PRPF8: variants seen among roughly 807,000 people sequenced by gnomAD.
PRPF8 encodes the protein pre-mRNA-processing-splicing factor 8.
Under a neutral mutation model 285.9 loss-of-function variants are expected in PRPF8, and 64 were observed. The ratio of observed to expected loss-of-function variants is 0.22; its 90% CI spans 0.18 to 0.28. PRPF8 has a LOEUF of 0.28. PRPF8 is among the 10% of genes least tolerant of loss of function. PRPF8 has a pLI of 1.00. For synonymous variants in PRPF8, 1,325 were observed against 1,118.2 expected, an observed-to-expected ratio of 1.18 and a Z score of -3.69; for missense variants, 1,426 against 3,026.7, an observed-to-expected ratio of 0.47 and a Z score of 12.41.
At chr17:1,652,925 G>A (rs1911161538) in intron 39 of PRPF8, 3 of 168,960 alleles carry the variant, frequency 1.8e-5, no homozygotes, top group Admixed American at 1.6e-4. Context: ...TGGGACTACA[G>A]CCACGTTTTT....
rs377213506 is a variant in PRPF8 at position 1,656,641 on chromosome 17, C to T, written c.5619+7G>A. 2 of 1,614,102 alleles carry T rather than the reference C, an allele frequency of 1.2e-6. No homozygotes were observed. The highest frequency in any genetic ancestry group is 3.3e-5 in the Admixed American group (2 of 59,994). On this transcript the variant is annotated splice_region_variant and intron_variant, in intron 35 of 42. Coordinates refer to ENST00000304992, the MANE Select transcript of PRPF8 (RefSeq NM_006445.4). ...CTCTTTTCTCCTACCCCACCCCACC[C>T]TCTTACCTCCAGTGGGTCCAGCATG...
At chr17:1,680,008 A>G (rs78402600) in intron 8 of PRPF8, among the ~76,000 whole-genome samples, 6,723 of 152,146 alleles carry the variant, frequency 0.044, 509 homozygotes, top group African/African-American at 0.15. Flanking sequence ...GTCACTTCTC[A>G]CACCTCAACT....
intron 8 of PRPF8, among the ~76,000 whole-genome samples, chr17:1,680,183 A>G (rs1278776751): frequency 4.6e-5 from 7 of 152,220 alleles, no homozygotes; most frequent in Non-Finnish European, 8.8e-5. Flanking sequence ...TGAAGACTAC[A>G]TAGTGTACGA....
intron 24 of PRPF8, chr17:1,672,841 T>A: frequency 1.7e-6 from 1 of 596,216 alleles, no homozygotes. Flanking sequence ...TACTCTTGCC[T>A]TAATTTAGAA....
intron 24 of PRPF8, among the ~76,000 whole-genome samples, chr17:1,665,358 T>C (rs1911911496): frequency 6.7e-6 from 1 of 149,336 alleles, no homozygotes; most frequent in African/African-American, 2.5e-5. Context: ...GCTAACACGG[T>C]GAAACCCGTC....
intron 30 of PRPF8, 97 bp downstream of exon 30, chr17:1,660,332 CCCT>C (rs1567679314): frequency 7.0e-6 from 11 of 1,571,826 alleles, no homozygotes; most frequent in East Asian, 2.2e-5. Flanking sequence ...GTACCCTCTC[CCCT>C]CGATTCCACC....
chr17:1,662,850 G>GA (rs1911744690), intron 24 of PRPF8, among the ~76,000 whole-genome samples: 1 of 139,372 alleles, frequency 7.2e-6, no homozygotes, highest in Non-Finnish European at 1.5e-5. Context: ...AAAAAGAAAA[G>GA]AAAAAGAAAA....
chr17:1,669,664 C>A (rs752100436), intron 24 of PRPF8, among the ~76,000 whole-genome samples: 1 of 152,216 alleles, frequency 6.6e-6, no homozygotes. Flanking sequence ...TCACCAATGA[C>A]GTCCTAACTG....
chr17:1,664,185 C>T (rs1423272181), intron 24 of PRPF8, among the ~76,000 whole-genome samples: 1 of 152,068 alleles, frequency 6.6e-6, no homozygotes. Flanking sequence ...CGTGTACCAC[C>T]ACACCCAGCT....
intron 28 of PRPF8, 69 bp downstream of exon 28, chr17:1,660,924 T>C (rs985519208): frequency 3.7e-6 from 6 of 1,612,298 alleles, no homozygotes; most frequent in African/African-American, 1.3e-5. Flanking sequence ...CCACAGGAAA[T>C]CACAGAGGCA....
chr17:1,654,422 G>C, intron 37 of PRPF8: 2 of 352,038 alleles, frequency 5.7e-6, no homozygotes, highest in South Asian at 2.7e-5. Flanking sequence ...GGAGGAAGGT[G>C]TGTGTGTGTG....
chr17:1,658,666 G>A lies in PRPF8; in HGVS notation c.5236C>T (p.Arg1746Trp), dbSNP rs1400356670. ...TAGAGCTGTAGCCCCTTGCGGATCC[G>A]TTCACGTAACACATACAGGGCAGGG... ...ANPALYVLRE[R>W]IRKGLQLYSS... Residue 1746 changes from arginine (R) to tryptophan (W), a missense_variant, in exon 33 of 43, where the codon CGG becomes TGG. Coordinates refer to ENST00000304992, the MANE Select transcript of PRPF8 (RefSeq NM_006445.4). The surrounding 1 kb of genome is among the most constrained non-coding windows in gnomAD (Gnocchi z 4.1). The A allele has an allele frequency of 1.2e-6, 2 of 1,614,216 alleles. No homozygotes were observed. The highest frequency in any genetic ancestry group is 8.5e-7 in the Non-Finnish European group (1 of 1,180,036).
rs1179565309 is a variant in PRPF8, at chr17:1,651,698, G to A, written c.6460C>T (p.His2154Tyr). ...TGGCCAGGCAGGTGCACGGTCTGGT[G>A]AGTGCCCCACTGCGGCACCATCACA... ...CIVMVPQWGT[H>Y]QTVHLPGQLP... Residue 2154 changes from histidine to tyrosine, a missense_variant, in exon 40 of 43, where the codon CAC (histidine) becomes TAC (tyrosine). This residue lies in a region of PRPF8 where 160 missense variants were observed against 373.7 expected (regional missense o/e 0.43). Coordinates refer to ENST00000304992, the MANE Select transcript of PRPF8 (RefSeq NM_006445.4). This position sits in a 1 kb window ranked among gnomAD's most constrained non-coding sequence, Gnocchi z 5.1. 1 of 1,614,026 alleles carries A rather than the reference G, an allele frequency of 6.2e-7. No homozygotes were observed. Among genetic ancestry groups the A allele is most frequent in the Non-Finnish European group, 8.5e-7 (1 of 1,180,032 alleles).
chr17:1,651,076 T>C lies in PRPF8; in HGVS notation c.6853+32A>G. 6.2e-7 allele frequency: 1 copy of C among 1,613,986 alleles called. No homozygotes were observed. Among genetic ancestry groups the C allele is most frequent in the Non-Finnish European group, 8.5e-7 (1 of 1,179,842 alleles). On this transcript the variant is annotated intron_variant, in intron 42 of 42. Coordinates refer to ENST00000304992, the MANE Select transcript of PRPF8 (RefSeq NM_006445.4). The surrounding 1 kb of genome is among the most constrained non-coding windows in gnomAD (Gnocchi z 5.1). ...GATGGCCTCACCTTATCCCTACTGC[T>C]ATCCCCACATCCCCAGGCTCCTCCC... is the stretch of plus-strand genomic sequence containing the variant.
chr17:1,650,935 A>G lies in PRPF8; in HGVS notation c.6875T>C (p.Met2292Thr). Residue 2292 changes from methionine (M) to threonine (T), a missense_variant, in exon 43 of 43, where the codon ATG becomes ACG. By Grantham distance (81) the Met-to-Thr change is moderately conservative. Transcript: ENST00000304992. ...NFMGVRHDPNMKYELQLANPK... is the reference protein window; with the variant it reads ...NFMGVRHDPNTKYELQLANPK... Reference sequence around the variant, plus strand: ...GTTCGCCAGCTGTAGCTCATATTTCATGTTGGGGTCATGCCGAACACCTTC... The same window carrying G: ...GTTCGCCAGCTGTAGCTCATATTTCGTGTTGGGGTCATGCCGAACACCTTC... The G allele has an allele frequency of 6.2e-7, 1 of 1,614,084 alleles. No individual in the cohort carries two copies. The highest frequency in any genetic ancestry group is 8.5e-7 in the Non-Finnish European group (1 of 1,180,010).
intron 14 of PRPF8, 180 bp from the exon 15 acceptor site, chr17:1,677,352 A>C (rs1912658205): frequency 2.1e-6 from 2 of 957,056 alleles, no homozygotes; most frequent in Admixed American, 2.1e-5. Flanking sequence ...TATGCTTCTG[A>C]GGAATTTCCA....
chr17:1,684,608 T>C (rs1246235279), intron 1 of PRPF8, 26 bp from the exon 2 acceptor site: 23 of 1,606,392 alleles, frequency 1.4e-5, no homozygotes, highest in Non-Finnish European at 1.7e-5. Flanking sequence ...ATAGAAAAAT[T>C]CACTAACCAC....
chr17:1,664,637 T>G (rs767227683), intron 24 of PRPF8, among the ~76,000 whole-genome samples: 1 of 151,294 alleles, frequency 6.6e-6, no homozygotes, highest in Non-Finnish European at 1.5e-5. Context: ...AGATCCCACC[T>G]CTAAATGAAT....
chr17:1,669,178 C>T lies in PRPF8; in HGVS notation c.3774+3903G>A, dbSNP rs1367010524. ...CTGGGGTGCAGTGGCACGATCTTGG[C>T]TCACTGCAACCTCTACCTCCCGGGT... On this transcript the variant is annotated intron_variant, in intron 24 of 42. Coordinates refer to ENST00000304992, the MANE Select transcript of PRPF8 (RefSeq NM_006445.4). 2.6e-5 allele frequency among the ~76,000 whole-genome samples: 4 copies of T among 152,314 alleles called. No individual in the cohort carries two copies. In the East Asian group the frequency reaches 7.7e-4, roughly 29 times the overall value.
Sources: gnomAD v4.1 joint callset for allele counts (sites outside exome capture counted in the v4.1 genomes callset) on GRCh38, gnomAD v4.1.1 for gene constraint, gnomAD v4.1.1 regional missense constraint, Gnocchi (gnomAD v3.1) non-coding constraint, MANE v1.5 for transcripts, NCBI Gene and HGNC (gene_info 2026-07-23, HGNC 2026-07-21) for gene names.